The following ADGB variants were observed in gnomAD, a reference collection of about 807,000 sequenced individuals.
The protein encoded by ADGB is androglobin.
In ADGB, 172 loss-of-function variants were observed where a neutral mutation model predicts 210.5. The observed-to-expected ratio is 0.82, with a 90% CI of 0.72 to 0.93. ADGB has a LOEUF of 0.93. Among genes scored for constraint, ADGB ranks in the 40% least tolerant of loss-of-function variants. ADGB has a pLI of 0.00. For missense variants in ADGB, 2,025 were observed against 1,964.8 expected, an observed-to-expected ratio of 1.03 and a Z score of -0.58; for synonymous variants, 658 against 662.7, an observed-to-expected ratio of 0.99 and a Z score of 0.11.
chr6:146,799,416 C>G (rs1417621279), intron 33 of ADGB, among the ~76,000 whole-genome samples: 1 of 151,852 alleles, frequency 6.6e-6, no homozygotes, highest in African/African-American at 2.4e-5. Flanking sequence ...TGCCTGTAAT[C>G]CCAGCTACTT....
intron 1 of ADGB, among the ~76,000 whole-genome samples, chr6:146,604,970 T>C (rs1394206414): frequency 2.6e-5 from 4 of 152,068 alleles, no homozygotes; most frequent in Admixed American, 6.6e-5. Flanking sequence ...CACTCTTCAA[T>C]TTCAAAAGGC....
chr6:146,739,436 C>A (rs1192188396), intron 23 of ADGB, among the ~76,000 whole-genome samples: 1 of 152,094 alleles, frequency 6.6e-6, no homozygotes, highest in African/African-American at 2.4e-5. Flanking sequence ...ACAGCTATCC[C>A]AGGCAAACCA....
At chr6:146,628,236 A>C (rs1781007783) in intron 1 of ADGB, among the ~76,000 whole-genome samples, 3 of 151,692 alleles carry the variant, frequency 2.0e-5, no homozygotes, top group African/African-American at 4.8e-5. Context: ...TATTTTTAAA[A>C]ATTATTTTTT....
chr6:146,649,952 A>G (rs1275797932), intron 3 of ADGB, among the ~76,000 whole-genome samples: 1 of 152,184 alleles, frequency 6.6e-6, no homozygotes, highest in Admixed American at 6.5e-5. Context: ...ATACCTAAAC[A>G]TATCTAAACG....
chr6:146,680,774 T>C (rs1776147470), intron 9 of ADGB, among the ~76,000 whole-genome samples: 1 of 152,148 alleles, frequency 6.6e-6, no homozygotes, highest in South Asian at 2.1e-4. Flanking sequence ...ATTGTCTGTT[T>C]TTCCAAAATA....
At chr6:146,647,580 C>G (rs1583573413) in intron 3 of ADGB, among the ~76,000 whole-genome samples, 1 of 152,120 alleles carries the variant, frequency 6.6e-6, no homozygotes, top group Non-Finnish European at 1.5e-5. Context: ...AGCACAGAAT[C>G]AAGTTATAGT....
rs189999846 is a variant in ADGB, at chr6:146,741,038, A to G, written c.3024-80A>G. ...ATTTGGAACTTTGGATTTTTAAAAA[A>G]ATTTCTTGGCATTAATGCAAATTTC... On this transcript the variant is annotated intron_variant, in intron 24 of 35. Transcript: ENST00000397944. The G allele has an allele frequency of 5.3e-5, 63 of 1,186,882 alleles. No individual in the cohort carries two copies. The East Asian group carries it at 1.8e-3, about 34-fold the overall frequency. The allele number at this position is 1,186,882 out of a possible 1,614,324, so 73.5% of individuals were successfully genotyped here.
intron 11 of ADGB, among the ~76,000 whole-genome samples, 152 bp downstream of exon 11, chr6:146,691,442 A>T (rs1293652767): frequency 2.7e-4 from 15 of 54,936 alleles, no homozygotes; most frequent in South Asian, 5.7e-4. Flanking sequence ...ATATATATAT[A>T]AAAATATATA....
chr6:146,679,993 T>A (rs775417872), intron 9 of ADGB, among the ~76,000 whole-genome samples: 1 of 152,136 alleles, frequency 6.6e-6, no homozygotes, highest in Non-Finnish European at 1.5e-5. Flanking sequence ...TTTAAAAAAT[T>A]GTTTCAAAAA....
chr6:146,650,848 A>C (rs1179699909), intron 3 of ADGB, among the ~76,000 whole-genome samples: 1 of 152,192 alleles, frequency 6.6e-6, no homozygotes, highest in Non-Finnish European at 1.5e-5. Flanking sequence ...GAAAGGGGTT[A>C]CTGGAGAAAT....
At chr6:146,763,045 A>AG (rs749341966) in intron 27 of ADGB, among the ~76,000 whole-genome samples, 3 of 152,148 alleles carry the variant, frequency 2.0e-5, no homozygotes, top group Non-Finnish European at 2.9e-5. Flanking sequence ...TACTTGTTGC[A>AG]GGAGCCCCAC....
At chr6:146,658,331 A>G (rs1775811716) in intron 5 of ADGB, among the ~76,000 whole-genome samples, 1 of 152,138 alleles carries the variant, frequency 6.6e-6, no homozygotes. Flanking sequence ...TATCTAGACT[A>G]GACTTTAAGT....
intron 7 of ADGB, among the ~76,000 whole-genome samples, chr6:146,671,065 T>A (rs1441272822): frequency 6.6e-6 from 1 of 152,150 alleles, no homozygotes; most frequent in East Asian, 1.9e-4. Context: ...TTATGTGCTA[T>A]GGAATCCTAG....
At chr6:146,634,657 T>G (rs577315063) in intron 1 of ADGB, among the ~76,000 whole-genome samples, 1 of 152,142 alleles carries the variant, frequency 6.6e-6, no homozygotes, top group South Asian at 2.1e-4. Context: ...TCAAAATCTA[T>G]CACAAACCTT....
intron 16 of ADGB, among the ~76,000 whole-genome samples, chr6:146,719,578 C>A (rs2114569393): frequency 6.6e-6 from 1 of 152,226 alleles, no homozygotes; most frequent in Admixed American, 6.5e-5. Flanking sequence ...GCCTGCCGAG[C>A]TGGGGACACA....
chr6:146,654,603 C>T lies in ADGB; in HGVS notation c.402+397C>T, dbSNP rs377667239. On this transcript the variant is annotated intron_variant, in intron 4 of 35. Transcript: ENST00000397944. ...CCTGGGCTCAAGCAGTCCTCCCACACGGCCTCCCAAAGTGCTGGGATTACA... is the reference window on the plus strand; with the variant it reads ...CCTGGGCTCAAGCAGTCCTCCCACATGGCCTCCCAAAGTGCTGGGATTACA... Among the ~76,000 whole-genome samples, 215 of 152,152 alleles carry T rather than the reference C, an allele frequency of 1.4e-3. 5 individuals carry two copies. In the South Asian group the frequency reaches 0.031, roughly 22 times the overall value.
At chr6:146,649,482 AT>A (rs1000162913) in intron 3 of ADGB, among the ~76,000 whole-genome samples, 23 of 148,500 alleles carry the variant, frequency 1.5e-4, no homozygotes, top group African/African-American at 5.5e-4. Flanking sequence ...TTTTATTTTT[AT>A]TTTTATTTTA....
chr6:146,659,311 C>T (rs1775824380), intron 5 of ADGB, among the ~76,000 whole-genome samples: 1 of 152,194 alleles, frequency 6.6e-6, no homozygotes, highest in African/African-American at 2.4e-5. Flanking sequence ...GTACAATACA[C>T]TACAGATTCA....
intron 12 of ADGB, among the ~76,000 whole-genome samples, chr6:146,700,490 A>G (rs763679953): frequency 2.0e-5 from 3 of 152,188 alleles, no homozygotes; most frequent in Non-Finnish European, 4.4e-5. Flanking sequence ...ATTTGGAGTC[A>G]TATCAGCCAA....
Sources: gnomAD v4.1 joint callset for allele counts (sites outside exome capture counted in the v4.1 genomes callset) on GRCh38, gnomAD v4.1.1 for gene constraint, MANE v1.5 for transcripts, NCBI Gene and HGNC (gene_info 2026-07-23, HGNC 2026-07-21) for gene names.